CCDC97: variants seen among roughly 807,000 people sequenced by gnomAD.
CCDC97 encodes coiled-coil domain-containing protein 97.
CCDC97 carries 27 observed loss-of-function variants against 33.9 expected under a neutral mutation model. That is an observed-to-expected ratio of 0.80 (90% CI 0.59 to 1.10). CCDC97 has a LOEUF of 1.10. Among genes scored for constraint, CCDC97 ranks in the 50% least tolerant of loss-of-function variants. CCDC97 has a pLI of 0.00. For synonymous variants in CCDC97, 217 were observed against 194.0 expected (o/e 1.12, Z -0.99); for missense variants, 422 against 476.6 (o/e 0.89, Z 1.07).
At chr19:41,315,944 A>AT (rs1464246293) in intron 1 of CCDC97, among the ~76,000 whole-genome samples, 2 of 152,012 alleles carry the variant, frequency 1.3e-5, no homozygotes, top group African/African-American at 4.8e-5. Flanking sequence ...AAATTTAAAA[A>AT]TTACACAGGC....
chr19:41,320,240 G>A (rs968868217), intron 3 of CCDC97, 101 bp from the exon 4 acceptor site: 59 of 1,519,250 alleles, frequency 3.9e-5, no homozygotes, highest in Non-Finnish European at 5.2e-5. Flanking sequence ...GAGCCACCCA[G>A]CGCAAGGCTG....
At chr19:41,310,407 C>G (rs758490889) in intron 1 of CCDC97, 51 bp downstream of exon 1, 1 of 1,569,598 alleles carries the variant, frequency 6.4e-7, no homozygotes, top group South Asian at 1.2e-5. Context: ...TGCGGTGTCT[C>G]TAGGAAATGA....
chr19:41,310,209 C>G lies in CCDC97; in HGVS notation c.-102C>G, dbSNP rs1325783050. On this transcript the variant is annotated 5_prime_UTR_variant, in exon 1 of 5. Coordinates refer to ENST00000269967, the MANE Select transcript of CCDC97 (RefSeq NM_052848.3). The stretch of plus-strand genomic sequence containing the variant: ...TCGGTGCCTGGGCGCAGCGGTGCAC[C>G]CGGACCCGGAACATTCTCAGGCGAA... 2.0e-6 allele frequency: 3 copies of G among 1,504,072 alleles called. No homozygotes were observed. Among genetic ancestry groups the G allele is most frequent in the African/African-American group, 1.4e-5 (1 of 72,160 alleles). The allele number at this position is 1,504,072 out of a possible 1,614,324, so 93.2% of individuals were successfully genotyped here.
chr19:41,319,344 C>T (rs1271196232), intron 2 of CCDC97, among the ~76,000 whole-genome samples: 4 of 152,178 alleles, frequency 2.6e-5, no homozygotes, highest in Non-Finnish European at 2.9e-5. Context: ...TGAGTATTCA[C>T]GTGCATGCCT....
At chr19:41,317,710 C>CAA (rs1225911815) in intron 2 of CCDC97, among the ~76,000 whole-genome samples, 36 of 67,502 alleles carry the variant, frequency 5.3e-4, no homozygotes, top group African/African-American at 1.2e-3. Context: ...GATCTTGTCT[C>CAA]AAAAAAAAAA....
intron 1 of CCDC97, among the ~76,000 whole-genome samples, chr19:41,314,957 T>C (rs2037727493): frequency 1.3e-5 from 2 of 151,298 alleles, no homozygotes. Flanking sequence ...GGCAACCTAG[T>C]GAGACCTTGT....
At chr19:41,313,761 C>G (rs1416839941) in intron 1 of CCDC97, among the ~76,000 whole-genome samples, 1 of 152,070 alleles carries the variant, frequency 6.6e-6, no homozygotes, top group Non-Finnish European at 1.5e-5. Flanking sequence ...AGTGCAATGG[C>G]TGATCTCGGC....
intron 1 of CCDC97, chr19:41,310,613 C>G: frequency 1.0e-6 from 1 of 985,402 alleles, no homozygotes; most frequent in Non-Finnish European, 1.2e-6. Context: ...TAATTCATTT[C>G]CTTACCAGGC....
rs779441912 is a variant in CCDC97, at chr19:41,320,345, G to A, written c.786G>A (p.Gln262=). 6.2e-7 allele frequency: 1 copy of A among 1,613,940 alleles called. No homozygotes were observed. The highest frequency in any genetic ancestry group is 8.5e-7 in the Non-Finnish European group (1 of 1,179,984). The part of the protein sequence containing the change: ...EEEEDSDEED[Q]RSGKDSEAWV... ...CCCTCTCCTCTCCCTCTGCAGACCA[G>A]AGGTCAGGCAAGGACTCGGAGGCCT... The change falls in exon 4 of 5, where the codon CAG becomes CAA. Residue 262 remains glutamine, a synonymous_variant. Coordinates refer to ENST00000269967, the MANE Select transcript of CCDC97 (RefSeq NM_052848.3).
Position 41,319,681 on chromosome 19 carries a change from A to G in CCDC97, c.610A>G (p.Thr204Ala). The G allele has an allele frequency of 6.2e-7, 1 of 1,613,622 alleles. No homozygotes were observed. Among genetic ancestry groups the G allele is most frequent in the South Asian group, 1.1e-5 (1 of 91,072 alleles). Residue 204 changes from threonine (T) to alanine (A), a missense_variant, in exon 3 of 5, where the codon ACC becomes GCC. Physicochemically the swap from Thr to Ala is moderately conservative, Grantham distance 58. Transcript: ENST00000269967. Reference protein sequence around the residue: ...TQEELSARTPTHQPPKPGSPG... With the variant: ...TQEELSARTPAHQPPKPGSPG... ...GGAGGAGCTCAGTGCCCGCACCCCA[A>G]CCCACCAGCCCCCCAAGCCCGGGTC...
At chr19:41,322,294 C>T (rs1020959592) in intron 4 of CCDC97, among the ~76,000 whole-genome samples, 16 of 152,196 alleles carry the variant, frequency 1.1e-4, no homozygotes, top group Admixed American at 2.6e-4. Flanking sequence ...CAGGGTCTCC[C>T]TTTGTTGCCC....
chr19:41,316,288 G>A (rs551658889), intron 1 of CCDC97, 96 bp from the exon 2 acceptor site: 1 of 944,530 alleles, frequency 1.1e-6, no homozygotes, highest in East Asian at 2.6e-5. Flanking sequence ...CCAGAATATA[G>A]TCAGTGCCCA....
chr19:41,314,528 A>AG (rs2037722513), intron 1 of CCDC97, among the ~76,000 whole-genome samples: 1 of 152,398 alleles, frequency 6.6e-6, no homozygotes, highest in East Asian at 1.9e-4. Flanking sequence ...TAGCAAATGT[A>AG]TTAACGATTT....
In CCDC97 at chr19:41,316,820, C is replaced by T; in HGVS notation, c.483C>T (p.Ala161=). The T allele has an allele frequency of 6.3e-7, 1 of 1,587,848 alleles. No homozygotes were observed. The highest frequency in any genetic ancestry group is 2.3e-5 in the East Asian group (1 of 44,146). The change falls in exon 2 of 5, where the codon GCC becomes GCT. Residue 161 remains alanine (A), a synonymous_variant. Transcript: ENST00000269967. ...RTRLRNRRYA[A]LRELIQGGEY... ...GCCTGCGTAACCGGCGCTATGCTGC[C>T]CTGCGAGAGCTGATCCAAGGTGTGG...
At chr19:41,313,280 GA>G (rs2037708165) in intron 1 of CCDC97, among the ~76,000 whole-genome samples, 1 of 152,004 alleles carries the variant, frequency 6.6e-6, no homozygotes, top group Non-Finnish European at 1.5e-5. Context: ...TCTTGATTCT[GA>G]TGACACCCAC....
intron 4 of CCDC97, 52 bp from the exon 5 acceptor site, chr19:41,322,543 C>T (rs2037834542): frequency 5.1e-6 from 8 of 1,582,956 alleles, no homozygotes; most frequent in Non-Finnish European, 6.9e-6. Context: ...TTGACCTGGG[C>T]ATCCGAGGGT....
chr19:41,311,184 T>G (rs964186625), intron 1 of CCDC97, among the ~76,000 whole-genome samples: 3 of 152,102 alleles, frequency 2.0e-5, no homozygotes, highest in Non-Finnish European at 4.4e-5. Flanking sequence ...CCCAAGAGTT[T>G]GAGACCAGCC....
intron 3 of CCDC97, 152 bp from the exon 4 acceptor site, chr19:41,320,189 G>C: frequency 4.3e-6 from 4 of 934,258 alleles, no homozygotes; most frequent in Non-Finnish European, 6.5e-6. Flanking sequence ...TGTCCCTGGA[G>C]GGCAGGGACC....
intron 1 of CCDC97, chr19:41,310,598 G>A: frequency 1.0e-6 from 1 of 984,960 alleles, no homozygotes; most frequent in Non-Finnish European, 1.2e-6. Flanking sequence ...TCCTTTCCAT[G>A]TCCCTAATTC....
Sources: allele counts gnomAD v4.1 joint callset (sites outside exome capture counted in the v4.1 genomes callset), GRCh38; gene constraint gnomAD v4.1.1; transcripts MANE v1.5; gene names NCBI Gene and HGNC (gene_info 2026-07-23, HGNC 2026-07-21).